RAI14: variants seen among roughly 807,000 people sequenced by gnomAD.
The protein encoded by RAI14 is ankycorbin.
RAI14 carries 45 observed loss-of-function variants against 115.4 expected under a neutral mutation model. That is an observed-to-expected ratio of 0.39 (90% CI 0.31 to 0.50). The LOEUF (loss-of-function observed/expected upper bound fraction) is 0.50, where lower values mean the gene tolerates loss of function less well. Ranked by LOEUF, RAI14 falls within the 20% of genes least tolerant of loss-of-function variation. RAI14 has a pLI of 0.85. For missense variants in RAI14, 939 were observed against 1,131.2 expected, an observed-to-expected ratio of 0.83 and a Z score of 2.44; for synonymous variants, 371 against 415.4, an observed-to-expected ratio of 0.89 and a Z score of 1.30.
rs1755981791 is a variant in RAI14, at chr5:34,814,636, G to A, written c.906G>A (p.Lys302=). Residue 302 remains lysine (K), a synonymous_variant, in exon 12 of 18, where the codon AAG becomes AAA. Coordinates refer to ENST00000265109, the MANE Select transcript of RAI14 (RefSeq NM_015577.3). ...TAACTTCGACTCCACTATCGGGAAA[G>A]GAATCGGTATTTTTTGCTGAACCAC... is the stretch of plus-strand genomic sequence containing the variant. ...RSITSTPLSG[K]ESVFFAEPPF... is the part of the protein sequence containing the mutation. 6.2e-7 allele frequency: 1 copy of A among 1,613,468 alleles called. No individual in the cohort carries two copies. The highest frequency in any genetic ancestry group is 1.3e-5 in the African/African-American group (1 of 74,896).
At chr5:34,719,281 T>C (rs1742365389) in intron 2 of RAI14, among the ~76,000 whole-genome samples, 2 of 152,228 alleles carry the variant, frequency 1.3e-5, no homozygotes, top group Admixed American at 1.3e-4. Context: ...CACAGCATGG[T>C]GGCTGGGTTC....
chr5:34,730,514 A>G (rs749814782), intron 2 of RAI14, among the ~76,000 whole-genome samples: 1 of 152,012 alleles, frequency 6.6e-6, no homozygotes, highest in Non-Finnish European at 1.5e-5. Context: ...CGTCTCTACT[A>G]AAAATACAAC....
chr5:34,674,687 C>T (rs367693401), intron 1 of RAI14, among the ~76,000 whole-genome samples: 95 of 150,764 alleles, frequency 6.3e-4, no homozygotes, highest in Non-Finnish European at 1.2e-3. Context: ...CAGATTCAAG[C>T]GATTCTCCTG....
chr5:34,657,115 GC>G (rs1262288404), intron 1 of RAI14: 1 of 152,328 alleles, frequency 6.6e-6, no homozygotes, highest in African/African-American at 2.4e-5. Context: ...TGTTTTCCCC[GC>G]CGCAGCTCGG....
intron 3 of RAI14, among the ~76,000 whole-genome samples, chr5:34,770,009 A>G (rs1421316074): frequency 6.6e-6 from 1 of 152,148 alleles, no homozygotes; most frequent in African/African-American, 2.4e-5. Context: ...GATTACAGGG[A>G]TGAGCCACTG....
In RAI14 at chr5:34,671,858, A is replaced by G. The variant is rs548591272; in HGVS notation, c.-48-15014A>G. On this transcript the variant is annotated intron_variant, in intron 1 of 17. Transcript: ENST00000265109. ...GCCACATGTGGCTATAGTATTGGAC[A>G]GTACTGGTCTAAATAATATGTCTTC... Among the ~76,000 whole-genome samples, 4 of 152,300 alleles carry G rather than the reference A, an allele frequency of 2.6e-5. No individual in the cohort carries two copies. The East Asian group carries it at 7.7e-4, about 29-fold the overall frequency.
rs543404276 is a variant in RAI14, at chr5:34,676,789, T to C, written c.-48-10083T>C. Among the ~76,000 whole-genome samples, 3 of 152,362 alleles carry C rather than the reference T, an allele frequency of 2.0e-5. No homozygotes were observed. The East Asian group carries it at 5.8e-4, about 29-fold the overall frequency. On this transcript the variant is annotated intron_variant, in intron 1 of 17. Coordinates refer to ENST00000265109, the MANE Select transcript of RAI14 (RefSeq NM_015577.3). ...GAGATGAATGGTCTCAAAAGAGTTT[T>C]ACTACGTGATCATTATGATACAGTA... is the stretch of plus-strand genomic sequence containing the variant.
At chr5:34,694,822 T>C (rs1466270234) in intron 2 of RAI14, among the ~76,000 whole-genome samples, 1 of 152,220 alleles carries the variant, frequency 6.6e-6, no homozygotes, top group Admixed American at 6.5e-5. Context: ...TGTAGCAACT[T>C]TTCAGATTTA....
chr5:34,722,417 C>CA (rs943501937), intron 2 of RAI14, among the ~76,000 whole-genome samples: 1 of 151,788 alleles, frequency 6.6e-6, no homozygotes, highest in African/African-American at 2.4e-5. Context: ...TGCTGGGTGA[C>CA]ACTTTGATCT....
chr5:34,710,281 T>C (rs977894081), intron 2 of RAI14, among the ~76,000 whole-genome samples: 8 of 152,334 alleles, frequency 5.3e-5, no homozygotes, highest in Non-Finnish European at 8.8e-5. Flanking sequence ...CTGGCAGTTG[T>C]TGGAATTCCT....
chr5:34,678,734 C>T (rs1167379261), intron 1 of RAI14, among the ~76,000 whole-genome samples: 1 of 152,186 alleles, frequency 6.6e-6, no homozygotes, highest in Non-Finnish European at 1.5e-5. Flanking sequence ...CCTTGGAGAT[C>T]TCCCTCTTCT....
At chr5:34,797,439 G>C (rs1378465700) in intron 4 of RAI14, among the ~76,000 whole-genome samples, 1 of 121,754 alleles carries the variant, frequency 8.2e-6, no homozygotes, top group South Asian at 2.7e-4. Flanking sequence ...TTTGAGAATA[G>C]GGTTTTTTTT....
chr5:34,822,496 A>G (rs1223380950), intron 14 of RAI14, among the ~76,000 whole-genome samples: 1 of 151,378 alleles, frequency 6.6e-6, no homozygotes, highest in Non-Finnish European at 1.5e-5. Flanking sequence ...CTGTCCCAAT[A>G]GAACCCAAAG....
At chr5:34,721,916 C>T (rs2149997635) in intron 2 of RAI14, among the ~76,000 whole-genome samples, 1 of 152,202 alleles carries the variant, frequency 6.6e-6, no homozygotes, top group Non-Finnish European at 1.5e-5. Context: ...ACCATGTTGG[C>T]CAGGCTGGTC....
chr5:34,688,240 G>A, intron 2 of RAI14: 1 of 1,550,386 alleles, frequency 6.5e-7, no homozygotes, highest in African/African-American at 1.4e-5. Context: ...TTCAGCTAAG[G>A]AGAAAAAGGC....
chr5:34,773,082 A>G (rs2150136608), intron 3 of RAI14, among the ~76,000 whole-genome samples: 1 of 152,290 alleles, frequency 6.6e-6, no homozygotes, highest in South Asian at 2.1e-4. Context: ...TTTGTGGAAC[A>G]TATCCATAAA....
At chr5:34,681,856 C>CTTTCTTTT (rs58823040) in intron 1 of RAI14, among the ~76,000 whole-genome samples, 3 of 122,190 alleles carry the variant, frequency 2.5e-5, no homozygotes, top group East Asian at 2.3e-4. Flanking sequence ...TTCTTTCTTT[C>CTTTCTTTT]TTTTTTTTTT....
intron 2 of RAI14, among the ~76,000 whole-genome samples, chr5:34,740,116 G>T (rs1411747125): frequency 6.6e-6 from 1 of 152,150 alleles, no homozygotes; most frequent in Non-Finnish European, 1.5e-5. Context: ...ACACTACTAG[G>T]TATACACCAA....
In RAI14 at chr5:34,756,529, A is replaced by G. The variant is rs115236799; in HGVS notation, c.37-939A>G. Among the ~76,000 whole-genome samples, 258 of 152,228 alleles carry G rather than the reference A, an allele frequency of 1.7e-3. 2 individuals are homozygous for G. The highest frequency in any genetic ancestry group is 6.1e-3 in the African/African-American group (255 of 41,542). ...CGACTGGAAGGCAGCCCGGGCTTGC[A>G]AAGTGCCCAGAGCCTCTGATATGCT... On this transcript the variant is annotated intron_variant, in intron 2 of 17. Transcript: ENST00000265109.
Sources: gnomAD v4.1 joint callset for allele counts (sites outside exome capture counted in the v4.1 genomes callset) on GRCh38, gnomAD v4.1.1 for gene constraint, MANE v1.5 for transcripts, NCBI Gene and HGNC (gene_info 2026-07-23, HGNC 2026-07-21) for gene names.